The following TMEM132D variants were observed in gnomAD, a reference collection of about 807,000 sequenced individuals.
The protein encoded by TMEM132D is mature OL transmembrane protein.
A neutral mutation model predicts 62.3 loss-of-function variants in TMEM132D; 21 were observed. That is an observed-to-expected ratio of 0.34 (90% CI 0.24 to 0.49). The LOEUF is 0.49. Among genes scored for constraint, TMEM132D ranks in the 20% least tolerant of loss-of-function variants. The pLI is 0.99. For synonymous variants in TMEM132D, 621 were observed against 575.6 expected, an observed-to-expected ratio of 1.08 and a Z score of -1.13; for missense variants, 1,346 against 1,402.8, an observed-to-expected ratio of 0.96 and a Z score of 0.65.
chr12:129,621,689 A>T (rs1484596335), intron 2 of TMEM132D, among the ~76,000 whole-genome samples: 1 of 152,230 alleles, frequency 6.6e-6, no homozygotes, highest in Non-Finnish European at 1.5e-5. Flanking sequence ...CCATTATGCC[A>T]GCCTGGTCAA....
At chr12:129,307,081 A>C (rs1330999416) in intron 4 of TMEM132D, among the ~76,000 whole-genome samples, 1 of 148,086 alleles carries the variant, frequency 6.8e-6, no homozygotes, top group African/African-American at 2.5e-5. Flanking sequence ...TTTTTGTCTA[A>C]GCAAATTTAG....
At chr12:129,274,325 A>C (rs1038663690) in intron 4 of TMEM132D, among the ~76,000 whole-genome samples, 2 of 149,304 alleles carry the variant, frequency 1.3e-5, no homozygotes, top group Non-Finnish European at 2.9e-5. Flanking sequence ...AGCAAATAGA[A>C]TTAGAAGCAA....
intron 2 of TMEM132D, among the ~76,000 whole-genome samples, chr12:129,644,045 G>C (rs1879706608): frequency 6.6e-6 from 1 of 152,052 alleles, no homozygotes; most frequent in Non-Finnish European, 1.5e-5. Context: ...AGTAGAGACA[G>C]GGTTTCACCA....
rs189629901 is a variant in TMEM132D at position 129,779,674 on chromosome 12, C to A, written c.80-78976G>T. Among the ~76,000 whole-genome samples, 30 of 152,152 alleles carry A rather than the reference C, an allele frequency of 2.0e-4. No homozygotes were observed. The East Asian group carries it at 4.9e-3, about 25-fold the overall frequency. Reference sequence around the variant, plus strand: ...GGTATTGGAAGAGACCATCAGAAGGCCCCTCCACAGTCAGGCCCCACCCAT... The same window carrying A: ...GGTATTGGAAGAGACCATCAGAAGGACCCTCCACAGTCAGGCCCCACCCAT... On this transcript the variant is annotated intron_variant, in intron 1 of 8. Transcript: ENST00000422113. This position sits in a 1 kb window ranked among gnomAD's most constrained non-coding sequence, Gnocchi z 4.1.
In TMEM132D at chr12:129,530,968, G is replaced by A; in HGVS notation, c.1115+91C>T. On this transcript the variant is annotated intron_variant, in intron 3 of 8. Transcript: ENST00000422113. The stretch of plus-strand genomic sequence containing the variant: ...CACACACCAAATGCAAACCACAGTG[G>A]AAATGGTTGTTAGCAATCTAGGAAA... 3.0e-6 allele frequency: 4 copies of A among 1,345,820 alleles called. No homozygotes were observed. In the South Asian group the frequency reaches 6.0e-5, roughly 20 times the overall value. 83.4% of individuals were successfully genotyped at this position (1,345,820 alleles called of 1,614,324 possible).
At chr12:129,689,034 C>G (rs1880998097) in intron 2 of TMEM132D, among the ~76,000 whole-genome samples, 1 of 152,148 alleles carries the variant, frequency 6.6e-6, no homozygotes, top group Non-Finnish European at 1.5e-5. Flanking sequence ...ATCTAGTAGT[C>G]AGAGGCCAGA....
At chr12:129,489,766 T>G (rs2137059189) in intron 3 of TMEM132D, among the ~76,000 whole-genome samples, 1 of 152,360 alleles carries the variant, frequency 6.6e-6, no homozygotes, top group Admixed American at 6.5e-5. Context: ...ATTTTAAAAA[T>G]CATTATTATA....
At chr12:129,404,209 T>C (rs960993940) in intron 3 of TMEM132D, among the ~76,000 whole-genome samples, 5 of 151,986 alleles carry the variant, frequency 3.3e-5, no homozygotes, top group Non-Finnish European at 7.4e-5. Flanking sequence ...TATTTATTTA[T>C]TTATTTTGAG....
intron 1 of TMEM132D, among the ~76,000 whole-genome samples, chr12:129,739,901 T>G (rs1869546147): frequency 6.6e-6 from 1 of 152,230 alleles, no homozygotes; most frequent in South Asian, 2.1e-4. Flanking sequence ...GAGTACCTAC[T>G]TTTCTCCTGG....
chr12:129,582,558 T>C (rs1471877256), intron 2 of TMEM132D, among the ~76,000 whole-genome samples: 6 of 152,162 alleles, frequency 3.9e-5, no homozygotes, highest in Non-Finnish European at 1.5e-5. Flanking sequence ...TACTTCCTAG[T>C]GTTGAGAACT....
intron 5 of TMEM132D, among the ~76,000 whole-genome samples, chr12:129,133,830 T>C (rs1197928520): frequency 6.6e-6 from 1 of 152,192 alleles, no homozygotes; most frequent in Non-Finnish European, 1.5e-5. Flanking sequence ...CTTAGGCCAA[T>C]ATAAATTATA....
intron 2 of TMEM132D, among the ~76,000 whole-genome samples, chr12:129,548,575 C>A (rs986613279): frequency 2.0e-5 from 3 of 152,158 alleles, no homozygotes; most frequent in African/African-American, 7.2e-5. Flanking sequence ...ATGGCCTGTT[C>A]TTTTTCTCTT....
chr12:129,257,909 G>A (rs1880450332), intron 4 of TMEM132D, among the ~76,000 whole-genome samples: 2 of 152,152 alleles, frequency 1.3e-5, no homozygotes, highest in Admixed American at 1.3e-4. Context: ...GGTGTCAGAG[G>A]CTCCCCGGAC....
In TMEM132D at chr12:129,178,377, C is replaced by T. The variant is rs1877966789; in HGVS notation, c.1443+31143G>A. ...CTTCCACTATGGTTGAACTAATTTACACTCCCACCAACAATATAAAAGTGT... is the reference window on the plus strand; with the variant it reads ...CTTCCACTATGGTTGAACTAATTTATACTCCCACCAACAATATAAAAGTGT... On this transcript the variant is annotated intron_variant, in intron 5 of 8. Coordinates refer to ENST00000422113, the MANE Select transcript of TMEM132D (RefSeq NM_133448.3). 2.6e-5 allele frequency among the ~76,000 whole-genome samples: 4 copies of T among 151,914 alleles called. No individual in the cohort carries two copies. In the South Asian group the frequency reaches 8.3e-4, roughly 32 times the overall value.
chr12:129,773,114 T>C (rs964846317), intron 1 of TMEM132D, among the ~76,000 whole-genome samples: 5 of 152,276 alleles, frequency 3.3e-5, no homozygotes, highest in Admixed American at 1.3e-4. Context: ...GGATCTAGGA[T>C]ACAAATGCCC....
chr12:129,784,377 A>T (rs1871201056), intron 1 of TMEM132D, among the ~76,000 whole-genome samples: 1 of 152,228 alleles, frequency 6.6e-6, no homozygotes, highest in Non-Finnish European at 1.5e-5. Context: ...ACGCTAGTGG[A>T]GGTCACCGAC....
At chr12:129,431,393 G>T (rs1872650483) in intron 3 of TMEM132D, among the ~76,000 whole-genome samples, 2 of 152,188 alleles carry the variant, frequency 1.3e-5, no homozygotes, top group Non-Finnish European at 2.9e-5. Flanking sequence ...TTATGGCAAA[G>T]ACACATCTGT....
In TMEM132D at chr12:129,222,445, CT is replaced by C. The variant is rs113360196; in HGVS notation, c.1300-12783del. ...TTCAACTCTTCTATGTTATAAAGGT[CT>C]TCCCCCATATATCTAAATAATATGC... On this transcript the variant is annotated intron_variant, in intron 4 of 8. Coordinates refer to ENST00000422113, the MANE Select transcript of TMEM132D (RefSeq NM_133448.3). 6.9e-4 allele frequency among the ~76,000 whole-genome samples: 105 copies of C among 152,042 alleles called. 1 individual carries two copies. The highest frequency in any genetic ancestry group is 2.5e-3 in the African/African-American group (102 of 41,500).
chr12:129,395,644 G>C (rs1353629941), intron 3 of TMEM132D, among the ~76,000 whole-genome samples: 1 of 135,346 alleles, frequency 7.4e-6, no homozygotes, highest in African/African-American at 2.7e-5. Context: ...AAAAGGATAT[G>C]AGATGTACTT....
Sources: gnomAD v4.1 joint callset for allele counts (sites outside exome capture counted in the v4.1 genomes callset) on GRCh38, gnomAD v4.1.1 for gene constraint, Gnocchi (gnomAD v3.1) non-coding constraint, MANE v1.5 for transcripts, NCBI Gene and HGNC (gene_info 2026-07-23, HGNC 2026-07-21) for gene names.